The following SYN3 variants were observed in gnomAD, a reference collection of about 807,000 sequenced individuals.
SYN3 encodes the protein synapsin III.
A neutral mutation model predicts 65.8 loss-of-function variants in SYN3; 35 were observed. The observed-to-expected ratio is 0.53, with a 90% CI of 0.41 to 0.70. The LOEUF (loss-of-function observed/expected upper bound fraction) is 0.70. Among genes scored for constraint, SYN3 ranks in the 30% least tolerant of loss-of-function variants. The pLI, the probability that SYN3 is intolerant of heterozygous loss-of-function variation, is 0.00. For missense variants in SYN3, 680 were observed against 749.0 expected, an observed-to-expected ratio of 0.91 and a Z score of 1.08; for synonymous variants, 270 against 292.9, an observed-to-expected ratio of 0.92 and a Z score of 0.80.
intron 6 of SYN3, among the ~76,000 whole-genome samples, chr22:32,731,056 T>C (rs1036601177): frequency 3.3e-5 from 5 of 152,196 alleles, no homozygotes; most frequent in Non-Finnish European, 7.4e-5. Context: ...AGGTGATTGC[T>C]TGTCACCTGG....
At chr22:32,875,150 G>T (rs1320232838) in intron 4 of SYN3, among the ~76,000 whole-genome samples, 1 of 152,226 alleles carries the variant, frequency 6.6e-6, no homozygotes, top group Non-Finnish European at 1.5e-5. Context: ...AGCCAACCAA[G>T]AATCTGGTGA....
chr22:32,795,456 A>G (rs2046408117), intron 6 of SYN3, among the ~76,000 whole-genome samples: 1 of 152,164 alleles, frequency 6.6e-6, no homozygotes, highest in African/African-American at 2.4e-5. Flanking sequence ...CTGAGGGGAA[A>G]AGACAATGAG....
intron 1 of SYN3, among the ~76,000 whole-genome samples, chr22:33,015,845 C>CT (rs397838349): frequency 0.12 from 16,838 of 139,244 alleles, 1,274 homozygotes; most frequent in East Asian, 0.37. Flanking sequence ...ATTTTCTTTT[C>CT]TTTTTTTTTT....
chr22:32,607,714 C>T (rs1172070274), intron 6 of SYN3, among the ~76,000 whole-genome samples: 1 of 152,182 alleles, frequency 6.6e-6, no homozygotes, highest in African/African-American at 2.4e-5. Context: ...CCCTGAGAAA[C>T]GGAATAGTCA....
At chr22:32,523,144 A>C (rs2057915336) in intron 12 of SYN3, among the ~76,000 whole-genome samples, 1 of 152,168 alleles carries the variant, frequency 6.6e-6, no homozygotes, top group African/African-American at 2.4e-5. Flanking sequence ...TGTTATGGTG[A>C]TCCGTAATCA....
intron 12 of SYN3, 70 bp from the exon 13 acceptor site, chr22:32,518,404 A>G (rs2057817584): frequency 1.9e-6 from 3 of 1,571,654 alleles, no homozygotes; most frequent in Non-Finnish European, 2.6e-6. Context: ...GTACACAAAT[A>G]ATGTTGCTTC....
intron 4 of SYN3, among the ~76,000 whole-genome samples, chr22:32,892,119 C>A (rs973003193): frequency 6.6e-6 from 1 of 151,624 alleles, no homozygotes; most frequent in South Asian, 2.1e-4. Context: ...ATGGTGAAAC[C>A]CCATCTCTAA....
intron 3 of SYN3, among the ~76,000 whole-genome samples, chr22:32,940,298 A>C (rs1357798897): frequency 6.6e-6 from 1 of 152,152 alleles, no homozygotes; most frequent in East Asian, 1.9e-4. Flanking sequence ...TTCTTCTTCC[A>C]TTCTGTGGCT....
intron 6 of SYN3, among the ~76,000 whole-genome samples, chr22:32,730,890 A>T (rs1194513847): frequency 6.6e-6 from 1 of 152,070 alleles, no homozygotes; most frequent in Non-Finnish European, 1.5e-5. Flanking sequence ...CCTGGAGCAC[A>T]TCTGCCACCT....
intron 12 of SYN3, among the ~76,000 whole-genome samples, chr22:32,519,127 AC>A (rs890906370): frequency 5.3e-5 from 8 of 152,256 alleles, no homozygotes; most frequent in East Asian, 3.9e-4. Context: ...TGTGAAAAAA[AC>A]ATCTGTTGTT....
Position 32,664,584 on chromosome 22 carries a change from C to CTTTTTTTTT in SYN3, c.712-67857_712-67849dup, listed in dbSNP as rs71320943. The stretch of plus-strand genomic sequence containing the variant: ...AGCATACACTGTACTCAATTGGTCG[C>CTTTTTTTTT]TTTTTTTTTTTTTTTTTTTTTTTTT... On this transcript the variant is annotated intron_variant, in intron 6 of 13. Transcript: ENST00000358763. Among the ~76,000 whole-genome samples the CTTTTTTTTT allele has an allele frequency of 5.1e-4, 35 of 69,056 alleles. 10 individuals are homozygous for CTTTTTTTTT. Among genetic ancestry groups the CTTTTTTTTT allele is most frequent in the African/African-American group, 2.2e-3 (29 of 13,452 alleles). 45.3% of individuals were successfully genotyped at this position (69,056 alleles called of 152,430 possible).
At chr22:32,900,308 A>T (rs1214456881) in intron 4 of SYN3, among the ~76,000 whole-genome samples, 1 of 152,228 alleles carries the variant, frequency 6.6e-6, no homozygotes, top group Non-Finnish European at 1.5e-5. Context: ...GTTCTGAAGC[A>T]GCAGATCCTC....
chr22:32,986,833 C>T (rs570444163), intron 2 of SYN3, among the ~76,000 whole-genome samples: 13 of 152,194 alleles, frequency 8.5e-5, no homozygotes, highest in East Asian at 3.9e-4. Flanking sequence ...CTGGATTCCA[C>T]GAAGATTCTC....
At chr22:32,569,571 C>CTCTCTCTCTATATATA (rs1205661126) in intron 7 of SYN3, among the ~76,000 whole-genome samples, 2 of 90,928 alleles carry the variant, frequency 2.2e-5, no homozygotes, top group African/African-American at 7.4e-5. Context: ...CTCTCTCTCT[C>CTCTCTCTCTATATATA]TATATATATA....
At chr22:33,042,637 C>G (rs1230248741) in intron 1 of SYN3, among the ~76,000 whole-genome samples, 1 of 152,186 alleles carries the variant, frequency 6.6e-6, no homozygotes, top group Non-Finnish European at 1.5e-5. Context: ...CACTGGGTCC[C>G]ACCTGCTCCT....
intron 6 of SYN3, among the ~76,000 whole-genome samples, chr22:32,654,748 C>A (rs1326714407): frequency 6.6e-6 from 1 of 152,218 alleles, no homozygotes; most frequent in Non-Finnish European, 1.5e-5. Context: ...TGCTTCCCAG[C>A]ATGCCTGCCT....
intron 2 of SYN3, among the ~76,000 whole-genome samples, chr22:32,981,909 C>T (rs1482797715): frequency 6.6e-6 from 1 of 152,152 alleles, no homozygotes; most frequent in Non-Finnish European, 1.5e-5. Flanking sequence ...GGCAAAACCA[C>T]ACATGGTTTA....
chr22:32,744,470 A>G (rs1436793525), intron 6 of SYN3, among the ~76,000 whole-genome samples: 1 of 152,222 alleles, frequency 6.6e-6, no homozygotes, highest in Non-Finnish European at 1.5e-5. Flanking sequence ...CAGGCCGTGT[A>G]ATAATAGCTA....
chr22:32,818,482 C>G (rs1379957809), intron 6 of SYN3, among the ~76,000 whole-genome samples: 1 of 152,116 alleles, frequency 6.6e-6, no homozygotes, highest in African/African-American at 2.4e-5. Context: ...CCCTTTGAGT[C>G]CTCTGGATGA....
Sources: allele counts gnomAD v4.1 joint callset (sites outside exome capture counted in the v4.1 genomes callset), GRCh38; gene constraint gnomAD v4.1.1; transcripts MANE v1.5; gene names NCBI Gene and HGNC (gene_info 2026-07-23, HGNC 2026-07-21).